Variants in PRKG2 observed in about 807,000 individuals in gnomAD.
The protein encoded by PRKG2 is protein kinase cGMP-dependent 2.
A neutral mutation model predicts 97.2 loss-of-function variants in PRKG2; 33 were observed. The observed-to-expected ratio is 0.34, with a 90% CI of 0.26 to 0.45. The LOEUF (loss-of-function observed/expected upper bound fraction) is 0.45. PRKG2 is among the 20% of genes least tolerant of loss of function. PRKG2 has a pLI of 1.00. For missense variants in PRKG2, 638 were observed against 900.0 expected (o/e 0.71, Z 3.73); for synonymous variants, 330 against 321.8 (o/e 1.03, Z -0.27).
At chr4:81,126,524 T>C (rs1560559344) in intron 14 of PRKG2, among the ~76,000 whole-genome samples, 1 of 152,130 alleles carries the variant, frequency 6.6e-6, no homozygotes, top group African/African-American at 2.4e-5. Context: ...TTCTCCATAT[T>C]CTCTCCATCA....
At chr4:81,208,997 C>T (rs143077342) in intron 1 of PRKG2, among the ~76,000 whole-genome samples, 1 of 152,276 alleles carries the variant, frequency 6.6e-6, no homozygotes, top group African/African-American at 2.4e-5. Context: ...TCTTTGAAGG[C>T]AACCAAAAAC....
chr4:81,131,087 G>C (rs1746129815), intron 14 of PRKG2, among the ~76,000 whole-genome samples: 1 of 152,154 alleles, frequency 6.6e-6, no homozygotes, highest in Non-Finnish European at 1.5e-5. Flanking sequence ...ACCCAGTTTT[G>C]TGTTTGAAAC....
intron 2 of PRKG2, among the ~76,000 whole-genome samples, chr4:81,183,409 C>A (rs925225580): frequency 1.3e-5 from 2 of 152,112 alleles, no homozygotes; most frequent in Non-Finnish European, 2.9e-5. Flanking sequence ...CCTCCCCTAG[C>A]CAAGGGAAGC....
intron 14 of PRKG2, among the ~76,000 whole-genome samples, chr4:81,134,004 G>T (rs371539868): frequency 6.6e-6 from 1 of 152,166 alleles, no homozygotes; most frequent in African/African-American, 2.4e-5. Flanking sequence ...TGAAGGAATT[G>T]TGAAGAACAG....
chr4:81,110,773 A>AGACG (rs1440888320), intron 14 of PRKG2, among the ~76,000 whole-genome samples, 162 bp from the exon 15 acceptor site: 1 of 120,314 alleles, frequency 8.3e-6, no homozygotes, highest in Admixed American at 8.4e-5. Flanking sequence ...AGAGACAGAC[A>AGACG]GACGGACAGA....
At chr4:81,137,364 A>G in intron 13 of PRKG2, 29 bp downstream of exon 13, 1 of 1,485,412 alleles carries the variant, frequency 6.7e-7, no homozygotes, top group South Asian at 1.1e-5. Flanking sequence ...CCCTTAGGCC[A>G]GATGTGAGTA....
chr4:81,162,193 C>G (rs774256213), intron 6 of PRKG2, among the ~76,000 whole-genome samples: 14 of 152,036 alleles, frequency 9.2e-5, no homozygotes, highest in African/African-American at 1.7e-4. Context: ...TCTAAAGTAC[C>G]TGATGGAATG....
intron 14 of PRKG2, 63 bp downstream of exon 14, chr4:81,135,092 G>GT: frequency 6.8e-7 from 1 of 1,464,768 alleles, no homozygotes; most frequent in South Asian, 1.4e-5. Context: ...ATTGCAACTA[G>GT]AACACAACTT....
chr4:81,102,613 AT>A (rs1302035539), intron 17 of PRKG2, among the ~76,000 whole-genome samples: 1 of 152,226 alleles, frequency 6.6e-6, no homozygotes, highest in Non-Finnish European at 1.5e-5. Context: ...TTTTGATTCT[AT>A]AAAATCTACA....
Position 81,130,965 on chromosome 4 carries a change from C to T in PRKG2, c.1776+4190G>A, listed in dbSNP as rs752071651. On this transcript the variant is annotated intron_variant, in intron 14 of 18. Transcript: ENST00000264399. ...TGAGCTAGACCACTTGGCTCCCTGG[C>T]TTCAGCCCCCTTTCCAGGGGAATGA... is the stretch of plus-strand genomic sequence containing the variant. Among the ~76,000 whole-genome samples the T allele has an allele frequency of 9.8e-4, 149 of 152,282 alleles. 1 individual carries two copies. The highest frequency in any genetic ancestry group is 8.7e-4 in the Non-Finnish European group (59 of 68,020).
chr4:81,127,354 T>A (rs779890315), intron 14 of PRKG2, among the ~76,000 whole-genome samples: 11 of 152,212 alleles, frequency 7.2e-5, no homozygotes, highest in Non-Finnish European at 2.9e-5. Flanking sequence ...ATACAGGCTC[T>A]TTTTTGGTTC....
chr4:81,138,657 CCTGGTGTATGTTAA>C (rs1746956854), intron 12 of PRKG2, among the ~76,000 whole-genome samples: 1 of 151,890 alleles, frequency 6.6e-6, no homozygotes, highest in African/African-American at 2.4e-5. Context: ...TAGAACAGCA[CCTGGTGTATGTTAA>C]TTTCTCAATA....
intron 14 of PRKG2, among the ~76,000 whole-genome samples, chr4:81,116,094 G>T (rs560021247): frequency 2.4e-4 from 36 of 152,182 alleles, no homozygotes; most frequent in African/African-American, 7.9e-4. Flanking sequence ...AGTAAATTGT[G>T]AGTCACAGGG....
chr4:81,141,109 C>T (rs1747238790), intron 11 of PRKG2, among the ~76,000 whole-genome samples: 1 of 152,076 alleles, frequency 6.6e-6, no homozygotes, highest in Admixed American at 6.5e-5. Flanking sequence ...CTCCTGGGCT[C>T]AAGCTATCCT....
At chr4:81,202,966 T>A (rs1448672889) in intron 2 of PRKG2, among the ~76,000 whole-genome samples, 1 of 151,970 alleles carries the variant, frequency 6.6e-6, no homozygotes, top group African/African-American at 2.4e-5. Flanking sequence ...TACATGTCAT[T>A]CTGCATAAAA....
intron 2 of PRKG2, among the ~76,000 whole-genome samples, chr4:81,188,389 A>T (rs1752094662): frequency 6.8e-6 from 1 of 146,414 alleles, no homozygotes; most frequent in Admixed American, 6.6e-5. Flanking sequence ...GCTGGAGAGG[A>T]TGTGGAGAAA....
chr4:81,195,084 T>G (rs1015417349), intron 2 of PRKG2, among the ~76,000 whole-genome samples: 1 of 152,208 alleles, frequency 6.6e-6, no homozygotes, highest in African/African-American at 2.4e-5. Flanking sequence ...AACAACAACA[T>G]GGAAGAGAGT....
intron 14 of PRKG2, among the ~76,000 whole-genome samples, chr4:81,122,770 T>C (rs1336379989): frequency 2.6e-5 from 4 of 152,232 alleles, no homozygotes; most frequent in Admixed American, 1.3e-4. Context: ...ATTTGCAGAA[T>C]GAGACCAAAG....
chr4:81,103,207 C>T (rs977614367), intron 17 of PRKG2, among the ~76,000 whole-genome samples: 58 of 152,194 alleles, frequency 3.8e-4, no homozygotes, highest in African/African-American at 1.2e-3. Flanking sequence ...ATGTGCACAA[C>T]GTGCAGGTGT....
Sources: gnomAD v4.1 joint callset for allele counts (sites outside exome capture counted in the v4.1 genomes callset) on GRCh38, gnomAD v4.1.1 for gene constraint, MANE v1.5 for transcripts, NCBI Gene and HGNC (gene_info 2026-07-23, HGNC 2026-07-21) for gene names.